PDE1A: variants seen among roughly 807,000 people sequenced by gnomAD.
PDE1A encodes the protein phosphodiesterase 1A, also known as dual specificity calcium/calmodulin-dependent 3',5'-cyclic nucleotide phosphodiesterase 1A.
In PDE1A, 35 loss-of-function variants were observed where a neutral mutation model predicts 61.7. The observed-to-expected ratio is 0.57, with a 90% CI of 0.43 to 0.75. The LOEUF is 0.75. Ranked by LOEUF, PDE1A falls within the 30% of genes least tolerant of loss-of-function variation. The pLI, the probability that PDE1A is intolerant of heterozygous loss-of-function variation, is 0.00. For missense variants in PDE1A, 597 were observed against 630.6 expected (o/e 0.95, Z 0.57); for synonymous variants, 232 against 213.2 (o/e 1.09, Z -0.77).
the PDE1A span, among the ~76,000 whole-genome samples, chr2:182,589,145 G>A: frequency 6.7e-6 from 1 of 148,478 alleles, no homozygotes; most frequent in African/African-American, 2.5e-5. Context: ...AGCAAGACTG[G>A]GCCTGAAAGA....
At chr2:182,362,796 C>A (rs1012502167) in intron 1 of PDE1A, among the ~76,000 whole-genome samples, 1 of 151,992 alleles carries the variant, frequency 6.6e-6, no homozygotes, top group African/African-American at 2.4e-5. Context: ...TTCACAATAG[C>A]AAAGACATAG....
At chr2:182,367,989 A>G (rs183580119) in intron 1 of PDE1A, among the ~76,000 whole-genome samples, 32 of 152,232 alleles carry the variant, frequency 2.1e-4, no homozygotes, top group Admixed American at 5.9e-4. Context: ...AGAAAATTTA[A>G]AACACACACA....
downstream of PDE1A, chr2:182,142,815 C>A (rs1690291925): frequency 2.6e-5 from 4 of 152,132 alleles, no homozygotes; most frequent in South Asian, 6.2e-4. Flanking sequence ...TTGAAGAAGG[C>A]CAAATTGTGG....
intron 1 of PDE1A, among the ~76,000 whole-genome samples, chr2:182,398,804 T>C (rs1018426972): frequency 2.6e-5 from 4 of 152,076 alleles, no homozygotes; most frequent in Admixed American, 6.5e-5. Flanking sequence ...CTGTAGATAC[T>C]TTACTTTTAG....
chr2:182,361,535 A>G (rs1261779255), intron 1 of PDE1A, among the ~76,000 whole-genome samples: 1 of 152,086 alleles, frequency 6.6e-6, no homozygotes. Flanking sequence ...GAGGATAAGG[A>G]AAAAATATGA....
At chr2:182,358,794 G>A (rs573606467) in intron 1 of PDE1A, among the ~76,000 whole-genome samples, 21 of 152,204 alleles carry the variant, frequency 1.4e-4, no homozygotes, top group Admixed American at 5.2e-4. Flanking sequence ...TTACAGATGA[G>A]GAAACTGAAG....
intron 1 of PDE1A, among the ~76,000 whole-genome samples, chr2:182,388,258 A>G (rs1388041734): frequency 6.6e-6 from 1 of 152,214 alleles, no homozygotes; most frequent in East Asian, 1.9e-4. Flanking sequence ...CTCCACTTTC[A>G]GCAATGAACA....
intron 1 of PDE1A, among the ~76,000 whole-genome samples, chr2:182,424,373 C>T (rs958590256): frequency 2.0e-5 from 3 of 152,176 alleles, no homozygotes; most frequent in Non-Finnish European, 4.4e-5. Context: ...ACAGATTTGC[C>T]TGTCAAGTGG....
At chr2:182,554,476 C>T in the PDE1A span, among the ~76,000 whole-genome samples, 6 of 152,088 alleles carry the variant, frequency 3.9e-5, no homozygotes, top group Admixed American at 1.3e-4. Flanking sequence ...TCTTCTGGAC[C>T]AGGCTTGATC....
intron 2 of PDE1A, among the ~76,000 whole-genome samples, chr2:182,519,664 C>A (rs1042670121): frequency 2.0e-5 from 3 of 151,816 alleles, no homozygotes; most frequent in Non-Finnish European, 4.4e-5. Flanking sequence ...ATGTTTTCCA[C>A]GTGTTCCAAA....
chr2:182,630,477 C>T, the PDE1A span, among the ~76,000 whole-genome samples: 1 of 152,022 alleles, frequency 6.6e-6, no homozygotes, highest in East Asian at 1.9e-4. Flanking sequence ...GATGCCAATG[C>T]CATATTGATT....
chr2:182,409,711 C>A (rs77762992), intron 1 of PDE1A, among the ~76,000 whole-genome samples: 1 of 152,124 alleles, frequency 6.6e-6, no homozygotes, highest in Non-Finnish European at 1.5e-5. Flanking sequence ...ATAAGGGAAG[C>A]CAAAATGTCT....
At chr2:182,191,359 C>T (rs1163335840) in intron 10 of PDE1A, among the ~76,000 whole-genome samples, 1 of 151,692 alleles carries the variant, frequency 6.6e-6, no homozygotes, top group East Asian at 1.9e-4. Context: ...GGATAAGGTG[C>T]AAGAATAATG....
intron 2 of PDE1A, among the ~76,000 whole-genome samples, chr2:182,457,019 A>G (rs183824347): frequency 2.6e-4 from 40 of 152,210 alleles, no homozygotes; most frequent in African/African-American, 9.4e-4. Context: ...AACATTTCCT[A>G]ACAGTAAGTA....
intron 2 of PDE1A, among the ~76,000 whole-genome samples, chr2:182,498,561 T>A (rs563244869): frequency 6.6e-6 from 1 of 151,858 alleles, no homozygotes; most frequent in Admixed American, 6.6e-5. Flanking sequence ...ATTAAAAAAA[T>A]GAAATATTCT....
At chr2:182,529,059 G>C in the PDE1A span, among the ~76,000 whole-genome samples, 1 of 152,312 alleles carries the variant, frequency 6.6e-6, no homozygotes, top group South Asian at 2.1e-4. Flanking sequence ...ATACTACCTA[G>C]TGGAGCTGTG....
intron 7 of PDE1A, among the ~76,000 whole-genome samples, chr2:182,214,527 A>G (rs375922813): frequency 2.0e-5 from 3 of 151,960 alleles, no homozygotes; most frequent in Admixed American, 6.6e-5. Context: ...CCCATCTCAC[A>G]TGCAGAGACA....
chr2:182,391,607 T>A (rs1325864214), intron 1 of PDE1A, among the ~76,000 whole-genome samples: 1 of 152,216 alleles, frequency 6.6e-6, no homozygotes, highest in Non-Finnish European at 1.5e-5. Flanking sequence ...CTTCTCTATA[T>A]GCCACATCTT....
At chr2:182,621,495 A>G in the PDE1A span, among the ~76,000 whole-genome samples, 22,168 of 152,102 alleles carry the variant, frequency 0.15, 1,799 homozygotes, top group Middle Eastern at 0.25. Context: ...CCTCAGGAGG[A>G]ATAATACCCG....
Sources: gnomAD v4.1 joint callset for allele counts (sites outside exome capture counted in the v4.1 genomes callset) on GRCh38, gnomAD v4.1.1 for gene constraint, MANE v1.5 for transcripts, NCBI Gene and HGNC (gene_info 2026-07-23, HGNC 2026-07-21) for gene names.